Variants in TDP1 observed in about 807,000 individuals in gnomAD.
The protein encoded by TDP1 is tyr-DNA phosphodiesterase 1.
A neutral mutation model predicts 81.5 loss-of-function variants in TDP1; 64 were observed. The observed-to-expected ratio is 0.79, with a 90% CI of 0.64 to 0.97. The LOEUF (loss-of-function observed/expected upper bound fraction) is 0.97, where lower values mean the gene tolerates loss of function less well. Ranked by LOEUF, TDP1 falls within the 50% of genes least tolerant of loss-of-function variation. The pLI is 0.00. For synonymous variants in TDP1, 256 were observed against 264.3 expected, an observed-to-expected ratio of 0.97 and a Z score of 0.30; for missense variants, 723 against 743.8, an observed-to-expected ratio of 0.97 and a Z score of 0.33.
At position 90,027,743 on chromosome 14, in the gene TDP1, A is replaced by G. The variant is rs533055527; in HGVS notation, c.1645-5363A>G. On this transcript the variant is annotated intron_variant, in intron 15 of 16. Transcript: ENST00000335725. ...AAGCTGTGTTAGATTTGGCCTCCTT[A>G]TTCTACTTCCGTAGGCCCCTTTTTC... is the stretch of plus-strand genomic sequence containing the variant. Among the ~76,000 whole-genome samples, 8 of 152,290 alleles carry G rather than the reference A, an allele frequency of 5.3e-5. No individual in the cohort carries two copies. The East Asian group carries it at 1.5e-3, about 29-fold the overall frequency.
intron 14 of TDP1, among the ~76,000 whole-genome samples, chr14:90,009,828 A>G (rs1884488987): frequency 6.6e-6 from 1 of 152,386 alleles, no homozygotes; most frequent in Non-Finnish European, 1.5e-5. Flanking sequence ...AACAGAGTCC[A>G]GAAATAGACA....
chr14:89,955,718 C>T, upstream of TDP1: 1 of 152,408 alleles, frequency 6.6e-6, no homozygotes, highest in Non-Finnish European at 1.5e-5. Flanking sequence ...AGTTAGGGGA[C>T]GCCTTTCTGG....
chr14:89,984,080 A>C (rs1040085757), intron 8 of TDP1: 14 of 981,974 alleles, frequency 1.4e-5, no homozygotes, highest in Non-Finnish European at 1.7e-5. Context: ...GAAGAGCTGC[A>C]TTGATGCAGA....
intron 16 of TDP1, among the ~76,000 whole-genome samples, chr14:90,042,121 G>C (rs1888415992): frequency 6.6e-6 from 1 of 152,058 alleles, no homozygotes; most frequent in Admixed American, 6.6e-5. Flanking sequence ...CTTCAGCATT[G>C]GTCTACAGTT....
chr14:89,973,913 T>C (rs1485490380), intron 6 of TDP1, among the ~76,000 whole-genome samples: 1 of 152,116 alleles, frequency 6.6e-6, no homozygotes, highest in Non-Finnish European at 1.5e-5. Context: ...GGTGTCCTCA[T>C]GAGGGAGAGG....
At chr14:90,017,256 A>G (rs974552365) in intron 14 of TDP1, among the ~76,000 whole-genome samples, 1 of 151,404 alleles carries the variant, frequency 6.6e-6, no homozygotes, top group Non-Finnish European at 1.5e-5. Flanking sequence ...CTGCCTCCCA[A>G]CCCCACAAGA....
intron 2 of TDP1, among the ~76,000 whole-genome samples, chr14:89,957,825 T>A (rs532285523): frequency 1.3e-5 from 2 of 152,360 alleles, no homozygotes; most frequent in African/African-American, 4.8e-5. Context: ...TTTATTCTCT[T>A]AACACATGAC....
At chr14:89,993,537 T>G (rs1226124037) in intron 14 of TDP1, 54 bp downstream of exon 14, 1 of 1,594,988 alleles carries the variant, frequency 6.3e-7, no homozygotes. Context: ...TGTTCATAAT[T>G]CTTGCTCTGA....
intron 16 of TDP1, among the ~76,000 whole-genome samples, chr14:90,034,440 G>A (rs1242531335): frequency 6.6e-6 from 1 of 152,168 alleles, no homozygotes. Flanking sequence ...AACACAATAG[G>A]AATAGCTGCA....
At chr14:90,025,365 G>A (rs1314375137) in intron 15 of TDP1, among the ~76,000 whole-genome samples, 2 of 152,220 alleles carry the variant, frequency 1.3e-5, no homozygotes, top group Non-Finnish European at 1.5e-5. Flanking sequence ...AGGCTGATAA[G>A]TCGCTGGTAC....
chr14:89,979,795 C>T (rs1894772056), intron 7 of TDP1, among the ~76,000 whole-genome samples: 1 of 152,070 alleles, frequency 6.6e-6, no homozygotes, highest in African/African-American at 2.4e-5. Context: ...ATATCCTATT[C>T]CCTCTCTCTC....
At chr14:90,012,976 A>G (rs1261537393) in intron 14 of TDP1, among the ~76,000 whole-genome samples, 1 of 152,204 alleles carries the variant, frequency 6.6e-6, no homozygotes, top group East Asian at 1.9e-4. Context: ...GACTGCCCTG[A>G]CAGATTTTGG....
At chr14:90,038,823 G>A (rs1888075478) in intron 16 of TDP1, among the ~76,000 whole-genome samples, 2 of 151,638 alleles carry the variant, frequency 1.3e-5, no homozygotes, top group South Asian at 4.2e-4. Context: ...GGGTGACAGA[G>A]CGAGACTCCA....
intron 16 of TDP1, chr14:90,042,795 C>T (rs528937860): frequency 7.0e-6 from 6 of 860,538 alleles, no homozygotes; most frequent in South Asian, 1.1e-4. Flanking sequence ...GTCCCTCCCA[C>T]GATATGTGGG....
Position 89,992,942 on chromosome 14 carries a change from A to G in TDP1, c.1434-434A>G, listed in dbSNP as rs142577085. 6.7e-5 allele frequency: 66 copies of G among 984,822 alleles called. 1 individual carries two copies. In the African/African-American group the frequency reaches 1.0e-3, roughly 15 times the overall value. 61.0% of individuals were successfully genotyped at this position (984,822 alleles called of 1,614,324 possible). A position where few individuals can be genotyped will look rare whatever the true frequency, so the allele number is the denominator to read the frequency against. The stretch of plus-strand genomic sequence containing the variant: ...GCTTTTCAACATTCATTTTTTTCAT[A>G]TACTGTTTGTATTTTGCCTTTTTTG... On this transcript the variant is annotated intron_variant, in intron 13 of 16. Coordinates refer to ENST00000335725, the MANE Select transcript of TDP1 (RefSeq NM_018319.4).
At chr14:90,035,106 C>G (rs1319949461) in intron 16 of TDP1, among the ~76,000 whole-genome samples, 1 of 152,206 alleles carries the variant, frequency 6.6e-6, no homozygotes, top group Non-Finnish European at 1.5e-5. Flanking sequence ...TCATGGTGAA[C>G]CAAGCCTCCT....
At chr14:90,020,689 G>A (rs1317648676) in intron 15 of TDP1, among the ~76,000 whole-genome samples, 3 of 128,158 alleles carry the variant, frequency 2.3e-5, no homozygotes, top group African/African-American at 6.3e-5. Context: ...TTGAATTTAT[G>A]ACAAACACAC....
intron 14 of TDP1, among the ~76,000 whole-genome samples, chr14:90,010,862 A>T (rs991070942): frequency 1.3e-5 from 2 of 152,248 alleles, no homozygotes; most frequent in African/African-American, 4.8e-5. Context: ...AGAAAAAAAC[A>T]GTATCATAGT....
chr14:90,014,544 G>C (rs983964385), intron 14 of TDP1, among the ~76,000 whole-genome samples: 1 of 152,208 alleles, frequency 6.6e-6, no homozygotes, highest in Non-Finnish European at 1.5e-5. Context: ...TATTGCAGCT[G>C]TCTGTGAACA....
Sources: gnomAD v4.1 joint callset for allele counts (sites outside exome capture counted in the v4.1 genomes callset) on GRCh38, gnomAD v4.1.1 for gene constraint, MANE v1.5 for transcripts, NCBI Gene and HGNC (gene_info 2026-07-23, HGNC 2026-07-21) for gene names.